The following BMPR1A variants were observed in gnomAD, a reference collection of about 807,000 sequenced individuals.
BMPR1A encodes the protein bone morphogenetic protein receptor type-1A.
A neutral mutation model predicts 66.0 loss-of-function variants in BMPR1A; 7 were observed. The ratio of observed to expected loss-of-function variants is 0.11; its 90% CI spans 0.06 to 0.20. BMPR1A has a LOEUF of 0.20. Among genes scored for constraint, BMPR1A ranks in the 10% least tolerant of loss-of-function variants. The pLI, the probability that BMPR1A is intolerant of heterozygous loss-of-function variation, is 1.00. For missense variants in BMPR1A, 408 were observed against 669.1 expected (o/e 0.61, Z 4.31); for synonymous variants, 200 against 229.7 (o/e 0.87, Z 1.17).
At chr10:86,884,267 G>A (rs1270520880) in intron 3 of BMPR1A, among the ~76,000 whole-genome samples, 1 of 151,696 alleles carries the variant, frequency 6.6e-6, no homozygotes, top group South Asian at 2.1e-4. Flanking sequence ...TAAATTTTTT[G>A]TAGAGACCAG....
chr10:86,794,238 T>C (rs1841672738), intron 1 of BMPR1A, among the ~76,000 whole-genome samples: 1 of 152,120 alleles, frequency 6.6e-6, no homozygotes, highest in Non-Finnish European at 1.5e-5. Context: ...CTGTTAATTT[T>C]ATCTATTTTT....
chr10:86,821,814 T>C (rs541675661), intron 1 of BMPR1A, among the ~76,000 whole-genome samples: 39 of 152,054 alleles, frequency 2.6e-4, no homozygotes, highest in African/African-American at 9.4e-4. Flanking sequence ...CCTCCCTCCT[T>C]TTGTTTCTTG....
intron 3 of BMPR1A, among the ~76,000 whole-genome samples, chr10:86,879,288 G>A (rs887967615): frequency 6.6e-6 from 1 of 152,186 alleles, no homozygotes; most frequent in African/African-American, 2.4e-5. Flanking sequence ...CTTTTTAATT[G>A]ATAAATCTTT....
intron 2 of BMPR1A, among the ~76,000 whole-genome samples, chr10:86,850,128 C>T (rs1220821929): frequency 6.6e-6 from 1 of 152,086 alleles, no homozygotes; most frequent in Non-Finnish European, 1.5e-5. Flanking sequence ...TGAGACCAGC[C>T]TGGCCAATAT....
At chr10:86,909,319 G>C (rs1343233024) in intron 7 of BMPR1A, among the ~76,000 whole-genome samples, 2 of 152,134 alleles carry the variant, frequency 1.3e-5, no homozygotes, top group African/African-American at 4.8e-5. Context: ...AGGGCCAGCT[G>C]TGGTGGCTCA....
chr10:86,806,553 T>C (rs1841891278), intron 1 of BMPR1A, among the ~76,000 whole-genome samples: 1 of 152,122 alleles, frequency 6.6e-6, no homozygotes, highest in African/African-American at 2.4e-5. Context: ...TGAGTTATAG[T>C]CCTTATGGAT....
At chr10:86,805,722 A>G (rs1340613339) in intron 1 of BMPR1A, among the ~76,000 whole-genome samples, 1 of 151,996 alleles carries the variant, frequency 6.6e-6, no homozygotes, top group East Asian at 1.9e-4. Flanking sequence ...CGGCCTCCCA[A>G]AATGCTGGGA....
chr10:86,907,145 G>A (rs1843406724), intron 7 of BMPR1A, among the ~76,000 whole-genome samples: 2 of 152,220 alleles, frequency 1.3e-5, no homozygotes, highest in Non-Finnish European at 2.9e-5. Flanking sequence ...GACAGCTTCA[G>A]CACAAGTGCT....
At chr10:86,892,465 C>T (rs1274250827) in intron 5 of BMPR1A, among the ~76,000 whole-genome samples, 1 of 152,196 alleles carries the variant, frequency 6.6e-6, no homozygotes, top group East Asian at 1.9e-4. Flanking sequence ...TTTCCATAGA[C>T]AGCACCTGGC....
At chr10:86,852,111 C>T (rs1457210731) in intron 2 of BMPR1A, among the ~76,000 whole-genome samples, 1 of 146,904 alleles carries the variant, frequency 6.8e-6, no homozygotes, top group Admixed American at 6.7e-5. Context: ...AAATACCCCT[C>T]ACAACTGTTA....
intron 1 of BMPR1A, among the ~76,000 whole-genome samples, chr10:86,819,182 G>A (rs981270660): frequency 4.0e-5 from 6 of 151,884 alleles, no homozygotes; most frequent in Non-Finnish European, 8.8e-5. Flanking sequence ...TATTATTATT[G>A]CTACTTATTT....
At chr10:86,845,823 C>G (rs1263781665) in intron 2 of BMPR1A, among the ~76,000 whole-genome samples, 1 of 151,932 alleles carries the variant, frequency 6.6e-6, no homozygotes, top group African/African-American at 2.4e-5. Context: ...TGGTGAAACC[C>G]CGTCTCTACT....
intron 5 of BMPR1A, among the ~76,000 whole-genome samples, chr10:86,898,398 A>G (rs1247192087): frequency 6.6e-6 from 1 of 152,112 alleles, no homozygotes; most frequent in East Asian, 1.9e-4. Flanking sequence ...TCTCTCTTAC[A>G]AGGGCTTTCA....
intron 1 of BMPR1A, among the ~76,000 whole-genome samples, chr10:86,789,436 G>A (rs1406882622): frequency 2.0e-5 from 3 of 152,158 alleles, no homozygotes; most frequent in African/African-American, 7.2e-5. Flanking sequence ...TAACTGGCTG[G>A]GCGCCGTGGC....
chr10:86,895,606 A>C (rs1843214374), intron 5 of BMPR1A, among the ~76,000 whole-genome samples: 1 of 152,330 alleles, frequency 6.6e-6, no homozygotes, highest in African/African-American at 2.4e-5. Context: ...GCTTATGTGA[A>C]TACATTGTCT....
rs763548019 is a variant in BMPR1A at position 86,912,299 on chromosome 10, A to C, written c.590A>C (p.Glu197Ala). ...RRYNRDLEQD[E>A]AFIPVGESLK... The stretch of plus-strand genomic sequence containing the variant: ...TACAATCGTGATTTGGAACAGGATG[A>C]AGCATTTATTCCAGTTGGAGAATCA... Residue 197 changes from glutamate to alanine, a missense_variant, in exon 8 of 13, where the codon GAA becomes GCA. Around this residue, in one of 5 missense-constraint regions of BMPR1A, gnomAD observed 174 missense variants for 265.1 expected, o/e 0.66. Transcript: ENST00000372037. 1.9e-6 allele frequency: 3 copies of C among 1,614,018 alleles called. No homozygotes were observed. Among genetic ancestry groups the C allele is most frequent in the Non-Finnish European group, 2.5e-6 (3 of 1,179,956 alleles).
intron 1 of BMPR1A, among the ~76,000 whole-genome samples, chr10:86,781,541 G>A (rs1265821848): frequency 6.6e-6 from 1 of 152,088 alleles, no homozygotes; most frequent in Admixed American, 6.5e-5. Flanking sequence ...TTTAGGATTT[G>A]TTTTTCCGTG....
intron 2 of BMPR1A, among the ~76,000 whole-genome samples, chr10:86,853,560 C>A (rs1842600308): frequency 6.6e-6 from 1 of 151,960 alleles, no homozygotes; most frequent in South Asian, 2.1e-4. Flanking sequence ...ATTGGGGAAC[C>A]TGCCCCGATA....
intron 1 of BMPR1A, among the ~76,000 whole-genome samples, chr10:86,786,575 T>C (rs1326124523): frequency 6.6e-6 from 1 of 152,258 alleles, no homozygotes; most frequent in Non-Finnish European, 1.5e-5. Context: ...TCTCAGTCTT[T>C]TGTCACAGAG....
Sources: allele counts gnomAD v4.1 joint callset (sites outside exome capture counted in the v4.1 genomes callset), GRCh38; gene constraint gnomAD v4.1.1; regional missense constraint gnomAD v4.1.1; transcripts MANE v1.5; gene names NCBI Gene and HGNC (gene_info 2026-07-23, HGNC 2026-07-21).